The following TAB2 variants were observed in gnomAD, a reference collection of about 807,000 sequenced individuals.
The protein encoded by TAB2 is TGF-beta activated kinase 1 (MAP3K7) binding protein 2, also known as TGF-beta-activated kinase 1 and MAP3K7-binding protein 2.
In TAB2, 3 loss-of-function variants were observed where a neutral mutation model predicts 65.0. That is an observed-to-expected ratio of 0.05 (90% CI 0.02 to 0.12). The LOEUF (loss-of-function observed/expected upper bound fraction) is 0.12, where lower values mean the gene tolerates loss of function less well. TAB2 is among the 10% of genes least tolerant of loss of function. TAB2 has a pLI of 1.00. For missense variants in TAB2, 623 were observed against 840.3 expected (o/e 0.74, Z 3.20); for synonymous variants, 298 against 285.1 (o/e 1.05, Z -0.46).
chr6:149,300,327 T>C (rs1778949669), intron 1 of TAB2, among the ~76,000 whole-genome samples: 1 of 152,222 alleles, frequency 6.6e-6, no homozygotes, highest in Non-Finnish European at 1.5e-5. Flanking sequence ...ATAAGATGTG[T>C]TTGCTGAATT....
intron 1 of TAB2, among the ~76,000 whole-genome samples, chr6:149,344,319 T>G (rs1780220948): frequency 1.3e-5 from 2 of 152,228 alleles, no homozygotes; most frequent in South Asian, 4.1e-4. Context: ...TAGAAATCAA[T>G]AAACCTTGTT....
At chr6:149,399,735 T>C (rs1782306316) in intron 6 of TAB2, among the ~76,000 whole-genome samples, 1 of 152,188 alleles carries the variant, frequency 6.6e-6, no homozygotes, top group Non-Finnish European at 1.5e-5. Context: ...TGGAAACAGG[T>C]ACATAAATAT....
At chr6:149,314,237 G>A (rs1200071293), upstream of TAB2, among the ~76,000 whole-genome samples, 1 of 152,154 alleles carries the variant, frequency 6.6e-6, no homozygotes, top group African/African-American at 2.4e-5. Context: ...TGGTCTTTGT[G>A]CCTTCGAACC....
At chr6:149,301,078 A>G (rs748790248) in intron 1 of TAB2, among the ~76,000 whole-genome samples, 34 of 152,238 alleles carry the variant, frequency 2.2e-4, no homozygotes, top group Non-Finnish European at 4.6e-4. Flanking sequence ...ATCATGAACT[A>G]GGCTAACAGG....
At chr6:149,395,730 T>G (rs1782142458) in intron 3 of TAB2, among the ~76,000 whole-genome samples, 2 of 152,248 alleles carry the variant, frequency 1.3e-5, no homozygotes, top group South Asian at 4.1e-4. Flanking sequence ...TTTACTCATC[T>G]TATTCCATTC....
intron 5 of TAB2, 105 bp downstream of exon 5, chr6:149,398,167 A>G: frequency 3.0e-6 from 3 of 985,892 alleles, no homozygotes; most frequent in South Asian, 2.7e-5. Context: ...CTGTCTCAGA[A>G]CATGTGGCTT....
chr6:149,249,696 C>T (rs1424108496), intron 1 of TAB2, among the ~76,000 whole-genome samples: 1 of 152,078 alleles, frequency 6.6e-6, no homozygotes, highest in Non-Finnish European at 1.5e-5. Context: ...CTATCTTTCA[C>T]GGCGCCCTCA....
chr6:149,325,480 C>G (rs1389081185), intron 1 of TAB2, among the ~76,000 whole-genome samples: 1 of 152,126 alleles, frequency 6.6e-6, no homozygotes, highest in East Asian at 1.9e-4. Context: ...ATGAAACAAA[C>G]AAAACATCAT....
chr6:149,363,305 A>G (rs1780915109), intron 1 of TAB2, among the ~76,000 whole-genome samples: 1 of 152,090 alleles, frequency 6.6e-6, no homozygotes, highest in South Asian at 2.1e-4. Context: ...ATTCGCCCCT[A>G]TGATTCATTC....
At chr6:149,388,700 G>A (rs941795781) in intron 3 of TAB2, among the ~76,000 whole-genome samples, 2 of 152,074 alleles carry the variant, frequency 1.3e-5, no homozygotes, top group Admixed American at 6.5e-5. Context: ...GATTGAGGTT[G>A]AACATCTTTT....
At chr6:149,409,430 C>T (rs1401134628) in intron 6 of TAB2, 147 bp from the exon 7 acceptor site, 14 of 694,222 alleles carry the variant, frequency 2.0e-5, no homozygotes, top group Middle Eastern at 3.9e-4. Flanking sequence ...TGGTAGTGAT[C>T]GAGCATGTGT....
chr6:149,402,100 G>A (rs1400634319), intron 6 of TAB2, among the ~76,000 whole-genome samples: 1 of 150,200 alleles, frequency 6.7e-6, no homozygotes, highest in African/African-American at 2.4e-5. Context: ...ATAAGAATTA[G>A]AGCAAAAATA....
In TAB2 at chr6:149,229,620, G is replaced by A. The variant is rs118157874; in HGVS notation, c.-121+10844G>A. On this transcript the variant is annotated intron_variant, in intron 1 of 1. Transcript: ENST00000606202. ...ATCCTGCACAGAGTCAGCAGGGCAC[G>A]TAAAGGAGGCCTGGCAATAGGTGGT... Among the ~76,000 whole-genome samples the A allele has an allele frequency of 2.3e-3, 353 of 152,244 alleles. 1 individual carries two copies. The highest frequency in any genetic ancestry group is 0.01 in the Middle Eastern group (3 of 294).
chr6:149,226,267 G>T (rs1777273123), intron 1 of TAB2, among the ~76,000 whole-genome samples: 1 of 152,204 alleles, frequency 6.6e-6, no homozygotes, highest in African/African-American at 2.4e-5. Context: ...TGAAGGCATG[G>T]CTGTAGGCTG....
At chr6:149,393,464 T>C (rs1052962502) in intron 3 of TAB2, among the ~76,000 whole-genome samples, 3 of 152,228 alleles carry the variant, frequency 2.0e-5, no homozygotes, top group South Asian at 4.1e-4. Flanking sequence ...ATTTACTCTT[T>C]AACCTCAAAA....
At chr6:149,237,717 T>C (rs976985721) in intron 1 of TAB2, among the ~76,000 whole-genome samples, 1 of 152,136 alleles carries the variant, frequency 6.6e-6, no homozygotes, top group African/African-American at 2.4e-5. Context: ...GCCCCACACC[T>C]AACGGCATCA....
intron 1 of TAB2, among the ~76,000 whole-genome samples, chr6:149,235,853 C>G (rs759398388): frequency 6.6e-6 from 1 of 152,180 alleles, no homozygotes; most frequent in Non-Finnish European, 1.5e-5. Context: ...GAAGGACCTT[C>G]AAGAGGTCCC....
intron 1 of TAB2, among the ~76,000 whole-genome samples, chr6:149,331,859 T>G (rs1399611800): frequency 6.6e-6 from 1 of 152,172 alleles, no homozygotes; most frequent in Non-Finnish European, 1.5e-5. Flanking sequence ...CTGCTGTGTG[T>G]GGAGTAGACT....
intron 6 of TAB2, among the ~76,000 whole-genome samples, chr6:149,403,329 T>TATATACAC: frequency 1.8e-5 from 1 of 55,806 alleles, no homozygotes; most frequent in African/African-American, 6.4e-5. Context: ...CACATATATA[T>TATATACAC]ACATATATAT....
Sources: allele counts gnomAD v4.1 joint callset (sites outside exome capture counted in the v4.1 genomes callset), GRCh38; gene constraint gnomAD v4.1.1; transcripts MANE v1.5; gene names NCBI Gene and HGNC (gene_info 2026-07-23, HGNC 2026-07-21).